Variants in ZRANB3 observed in about 807,000 individuals in gnomAD.
ZRANB3 encodes zinc finger RANBP2-type containing 3.
In ZRANB3, 125 loss-of-function variants were observed where a neutral mutation model predicts 133.8. The observed-to-expected ratio is 0.93, with a 90% CI of 0.81 to 1.08. The LOEUF (loss-of-function observed/expected upper bound fraction) is 1.08. Ranked by LOEUF, ZRANB3 falls within the 50% of genes least tolerant of loss-of-function variation. The pLI is 0.00. For missense variants in ZRANB3, 1,229 were observed against 1,275.5 expected, an observed-to-expected ratio of 0.96 and a Z score of 0.56; for synonymous variants, 387 against 432.7, an observed-to-expected ratio of 0.89 and a Z score of 1.31.
intron 8 of ZRANB3, 134 bp downstream of exon 8, chr2:135,313,353 CAA>C (rs368770114): frequency 0.065 from 22,188 of 342,666 alleles, no homozygotes; most frequent in South Asian, 0.094. Context: ...GCTCCCAACT[CAA>C]AAAAAAAAAA....
chr2:135,514,119 T>C (rs1273496105), intron 1 of ZRANB3, among the ~76,000 whole-genome samples: 1 of 152,232 alleles, frequency 6.6e-6, no homozygotes, highest in Non-Finnish European at 1.5e-5. Flanking sequence ...GTTTTGGCTA[T>C]ACGGGCTCTT....
At chr2:135,495,469 C>A (rs1692623695) in intron 2 of ZRANB3, among the ~76,000 whole-genome samples, 1 of 152,090 alleles carries the variant, frequency 6.6e-6, no homozygotes, top group Non-Finnish European at 1.5e-5. Context: ...ATGCAACCTA[C>A]TCTCAAATGG....
chr2:135,244,921 A>G (rs1695720444), intron 12 of ZRANB3, among the ~76,000 whole-genome samples: 1 of 152,202 alleles, frequency 6.6e-6, no homozygotes, highest in Non-Finnish European at 1.5e-5. Flanking sequence ...GTGGCATGGG[A>G]GTAATCAGCA....
chr2:135,301,191 T>A (rs578130311), intron 8 of ZRANB3, among the ~76,000 whole-genome samples: 48 of 151,558 alleles, frequency 3.2e-4, no homozygotes, highest in African/African-American at 8.2e-4. Context: ...GTTTATTTTT[T>A]TTTTTTTTTT....
intron 8 of ZRANB3, among the ~76,000 whole-genome samples, chr2:135,297,231 C>G (rs1051117841): frequency 1.3e-5 from 2 of 152,208 alleles, no homozygotes; most frequent in Non-Finnish European, 2.9e-5. Flanking sequence ...CCACCGAGTT[C>G]GAGCTTCCCG....
At chr2:135,479,693 T>C (rs1440026237) in intron 2 of ZRANB3, among the ~76,000 whole-genome samples, 1 of 151,902 alleles carries the variant, frequency 6.6e-6, no homozygotes, top group Non-Finnish European at 1.5e-5. Context: ...CACCTATTGA[T>C]ACACGCATAC....
chr2:135,319,183 T>C (rs950521685), intron 6 of ZRANB3, among the ~76,000 whole-genome samples: 1 of 151,942 alleles, frequency 6.6e-6, no homozygotes, highest in Non-Finnish European at 1.5e-5. Context: ...GAATTACGAA[T>C]AAAAAGTGAA....
chr2:135,486,208 G>A (rs1438960094), intron 2 of ZRANB3, among the ~76,000 whole-genome samples: 2 of 152,128 alleles, frequency 1.3e-5, no homozygotes, highest in African/African-American at 4.8e-5. Context: ...CTGTTTGAAA[G>A]CATTTTAGTA....
chr2:135,302,857 G>A (rs575295339), intron 8 of ZRANB3, among the ~76,000 whole-genome samples: 46 of 152,034 alleles, frequency 3.0e-4, no homozygotes, highest in African/African-American at 4.6e-4. Context: ...GACAAGAAAC[G>A]ATCTAAAAGG....
chr2:135,256,024 C>A (rs1189213365), intron 12 of ZRANB3, among the ~76,000 whole-genome samples: 2 of 151,480 alleles, frequency 1.3e-5, no homozygotes, highest in African/African-American at 2.4e-5. Context: ...AGGTGATCCT[C>A]TCACCTCAGC....
At chr2:135,472,323 AC>A (rs1384620513) in intron 2 of ZRANB3, among the ~76,000 whole-genome samples, 1 of 152,016 alleles carries the variant, frequency 6.6e-6, no homozygotes, top group Non-Finnish European at 1.5e-5. Flanking sequence ...ACACGGTGAA[AC>A]CCTGTCTCTA....
At chr2:135,263,372 T>C (rs983030282) in intron 12 of ZRANB3, among the ~76,000 whole-genome samples, 2 of 152,182 alleles carry the variant, frequency 1.3e-5, no homozygotes, top group Admixed American at 6.5e-5. Context: ...GTTGTTTCCA[T>C]TTTTTTGCAT....
chr2:135,500,787 A>G (rs1692905085), intron 2 of ZRANB3, among the ~76,000 whole-genome samples: 1 of 151,940 alleles, frequency 6.6e-6, no homozygotes, highest in African/African-American at 2.4e-5. Context: ...AGTACTTTAA[A>G]AAACTGAACA....
intron 3 of ZRANB3, among the ~76,000 whole-genome samples, chr2:135,374,868 A>G (rs1686349970): frequency 6.6e-6 from 1 of 152,196 alleles, no homozygotes; most frequent in Admixed American, 6.5e-5. Context: ...AACAACAAAA[A>G]AAGAAACGAT....
intron 17 of ZRANB3, among the ~76,000 whole-genome samples, chr2:135,216,902 A>C (rs1694334470): frequency 2.0e-5 from 3 of 152,208 alleles, no homozygotes; most frequent in Admixed American, 2.0e-4. Context: ...ACAAGGAAGG[A>C]AATCAATGTA....
Position 135,434,423 on chromosome 2 carries a change from TA to T in ZRANB3, c.162-43604del, listed in dbSNP as rs139028861. Reference sequence around the variant, plus strand: ...AGTAAATTAGGAGAGAACTAGGATTTAAGAATAAAGCCAGTTTTACACTGCA... The same window carrying T: ...AGTAAATTAGGAGAGAACTAGGATTTAGAATAAAGCCAGTTTTACACTGCA... On this transcript the variant is annotated intron_variant, in intron 2 of 20. Transcript: ENST00000264159. 7.8e-3 allele frequency among the ~76,000 whole-genome samples: 1,192 copies of T among 152,282 alleles called. 12 individuals are homozygous for T. The highest frequency in any genetic ancestry group is 0.027 in the African/African-American group (1,113 of 41,554).
At chr2:135,430,816 C>T (rs1017288990) in intron 2 of ZRANB3, among the ~76,000 whole-genome samples, 20 of 152,058 alleles carry the variant, frequency 1.3e-4, no homozygotes, top group East Asian at 3.9e-4. Context: ...GGTGGGGAAA[C>T]GACAGTCATT....
At position 135,227,953 on chromosome 2, in the gene ZRANB3, C is replaced by T; in HGVS notation, c.2017G>A (p.Asp673Asn). Residue 673 changes from aspartate to asparagine, a missense_variant, in exon 14 of 21, where the codon GAC (aspartate) becomes AAC (asparagine). Coordinates refer to ENST00000264159, the MANE Select transcript of ZRANB3 (RefSeq NM_032143.4). ...DKNEKDDSQK[D>N]TSKKVQTISD... The stretch of plus-strand genomic sequence containing the variant: ...ATAGTTTGAACCTTTTTGGAGGTGT[C>T]TTTCTGAGAATCATCCTTCTCGTTT... 6.4e-7 allele frequency: 1 copy of T among 1,552,436 alleles called. No homozygotes were observed. Among genetic ancestry groups the T allele is most frequent in the Non-Finnish European group, 8.7e-7 (1 of 1,147,200 alleles).
intron 1 of ZRANB3, among the ~76,000 whole-genome samples, chr2:135,515,280 T>C (rs1365275470): frequency 1.3e-5 from 2 of 152,122 alleles, no homozygotes; most frequent in South Asian, 2.1e-4. Context: ...GCTGTTTTGG[T>C]TGGTAGGCTA....
Sources: gnomAD v4.1 joint callset for allele counts (sites outside exome capture counted in the v4.1 genomes callset) on GRCh38, gnomAD v4.1.1 for gene constraint, MANE v1.5 for transcripts, NCBI Gene and HGNC (gene_info 2026-07-23, HGNC 2026-07-21) for gene names.